DCDC1: variants seen among roughly 807,000 people sequenced by gnomAD.
The protein encoded by DCDC1 is doublecortin domain-containing protein 1.
DCDC1 carries 200 observed loss-of-function variants against 178.3 expected under a neutral mutation model. The ratio of observed to expected loss-of-function variants is 1.12; its 90% CI spans 1.00 to 1.26. The LOEUF is 1.26. DCDC1 is among the 50% of genes most tolerant of loss of function. The pLI, the probability that DCDC1 is intolerant of heterozygous loss-of-function variation, is 0.00. For missense variants in DCDC1, 1,983 were observed against 1,749.2 expected (o/e 1.13, Z -2.38); for synonymous variants, 690 against 604.8 (o/e 1.14, Z -2.07).
intron 20 of DCDC1, among the ~76,000 whole-genome samples, chr11:30,964,762 A>G (rs559080369): frequency 6.6e-6 from 1 of 152,184 alleles, no homozygotes; most frequent in South Asian, 2.1e-4. Flanking sequence ...GGTTTCTTCC[A>G]ATGTTAACCA....
intron 20 of DCDC1, among the ~76,000 whole-genome samples, chr11:31,061,316 C>T (rs1323088461): frequency 6.6e-6 from 1 of 152,092 alleles, no homozygotes; most frequent in African/African-American, 2.4e-5. Flanking sequence ...CAAACACATT[C>T]CAGACACTTA....
intron 2 of DCDC1, among the ~76,000 whole-genome samples, chr11:31,334,069 GTTCAT>G (rs1472866137): frequency 2.0e-5 from 3 of 152,114 alleles, no homozygotes; most frequent in African/African-American, 7.2e-5. Context: ...TGGAGGCTTT[GTTCAT>G]TTCTTTTTAC....
chr11:31,283,827 A>G (rs1299943997), intron 7 of DCDC1, among the ~76,000 whole-genome samples: 1 of 152,138 alleles, frequency 6.6e-6, no homozygotes, highest in Non-Finnish European at 1.5e-5. Context: ...ACAAAATTTG[A>G]GAACTATTCT....
At chr11:31,212,834 C>T (rs1376527601) in intron 9 of DCDC1, among the ~76,000 whole-genome samples, 1 of 151,964 alleles carries the variant, frequency 6.6e-6, no homozygotes, top group Non-Finnish European at 1.5e-5. Context: ...AAACTGTGTA[C>T]AAGGACATTA....
intron 8 of DCDC1, among the ~76,000 whole-genome samples, chr11:31,260,252 A>G (rs1591568407): frequency 6.6e-6 from 1 of 152,208 alleles, no homozygotes; most frequent in South Asian, 2.1e-4. Flanking sequence ...AAAAGGTACA[A>G]TAATTTGATC....
At chr11:31,062,087 T>C (rs1955955529) in intron 20 of DCDC1, among the ~76,000 whole-genome samples, 1 of 152,092 alleles carries the variant, frequency 6.6e-6, no homozygotes, top group Non-Finnish European at 1.5e-5. Flanking sequence ...TGAGTTATCA[T>C]GAGGGCCAGG....
intron 18 of DCDC1, among the ~76,000 whole-genome samples, chr11:31,070,607 A>G (rs866217892): frequency 1.3e-5 from 2 of 152,324 alleles, no homozygotes; most frequent in Middle Eastern, 3.4e-3. Flanking sequence ...GACCTTGGGT[A>G]AGTTCAACTT....
intron 20 of DCDC1, among the ~76,000 whole-genome samples, chr11:30,970,872 C>T (rs1245410699): frequency 6.6e-6 from 1 of 152,200 alleles, no homozygotes; most frequent in East Asian, 1.9e-4. Context: ...TGGCCCAGCC[C>T]AGCTCCTTAT....
chr11:31,202,513 G>GT (rs1971410394), intron 9 of DCDC1, among the ~76,000 whole-genome samples: 1 of 152,174 alleles, frequency 6.6e-6, no homozygotes, highest in Admixed American at 6.5e-5. Flanking sequence ...GGAGGTTGCA[G>GT]TGAGCCAAGA....
chr11:31,186,063 G>A (rs1018596728), intron 9 of DCDC1, among the ~76,000 whole-genome samples: 1 of 152,100 alleles, frequency 6.6e-6, no homozygotes, highest in African/African-American at 2.4e-5. Context: ...AAGAGCCAGG[G>A]AGACCTTCCT....
At chr11:31,239,430 A>T (rs1976843438) in intron 9 of DCDC1, among the ~76,000 whole-genome samples, 1 of 152,022 alleles carries the variant, frequency 6.6e-6, no homozygotes, top group Admixed American at 6.6e-5. Context: ...AATAATTTTA[A>T]ATTAAGTCTT....
At chr11:31,216,270 A>T (rs1265533610) in intron 9 of DCDC1, among the ~76,000 whole-genome samples, 1 of 152,198 alleles carries the variant, frequency 6.6e-6, no homozygotes, top group Non-Finnish European at 1.5e-5. Context: ...CAGATAGAGG[A>T]TTAGATATAC....
chr11:31,200,587 A>G (rs1470418975), intron 9 of DCDC1, among the ~76,000 whole-genome samples: 2 of 152,092 alleles, frequency 1.3e-5, no homozygotes, highest in Admixed American at 6.5e-5. Flanking sequence ...GTAAAAATTA[A>G]TAAGTTAGAT....
At chr11:31,251,615 CAGAGAGAGAG>C (rs142524213) in intron 8 of DCDC1, among the ~76,000 whole-genome samples, 2 of 147,826 alleles carry the variant, frequency 1.4e-5, no homozygotes, top group South Asian at 2.1e-4. Context: ...GACAGAGAAA[CAGAGAGAGAG>C]AGAGAGAGAG....
chr11:31,124,520 C>G (rs1285434631), intron 11 of DCDC1, among the ~76,000 whole-genome samples: 1 of 152,108 alleles, frequency 6.6e-6, no homozygotes, highest in East Asian at 1.9e-4. Context: ...ATCATGCTAC[C>G]TGACTTCAAA....
chr11:31,073,796 G>A (rs1052567484), intron 18 of DCDC1, among the ~76,000 whole-genome samples: 6 of 152,210 alleles, frequency 3.9e-5, no homozygotes, highest in Admixed American at 1.3e-4. Flanking sequence ...AACTAAAGGT[G>A]AATAGTTTGG....
At position 30,897,021 on chromosome 11, in the gene DCDC1, T is replaced by C. The variant is rs77256392; in HGVS notation, c.4765+2520A>G. Among the ~76,000 whole-genome samples the C allele has an allele frequency of 1.1e-4, 17 of 152,362 alleles. No individual in the cohort carries two copies. The East Asian group carries it at 3.1e-3, about 28-fold the overall frequency. On this transcript the variant is annotated intron_variant, in intron 34 of 38. Coordinates refer to ENST00000684477, the MANE Select transcript of DCDC1 (RefSeq NM_001387274.1). ...AACCCTGAGGAAGCTCACAATCTTA[T>C]AGGCCTTGCAGTTAACTAAGACTTG... is the stretch of plus-strand genomic sequence containing the variant.
At chr11:30,969,909 A>G (rs916224373) in intron 20 of DCDC1, among the ~76,000 whole-genome samples, 1 of 152,220 alleles carries the variant, frequency 6.6e-6, no homozygotes, top group African/African-American at 2.4e-5. Flanking sequence ...GGACTTGACT[A>G]GAGGTATCTG....
intron 23 of DCDC1, among the ~76,000 whole-genome samples, chr11:30,923,793 T>C (rs1192968806): frequency 6.6e-6 from 1 of 151,874 alleles, no homozygotes; most frequent in Non-Finnish European, 1.5e-5. Context: ...ATTTTTTGTA[T>C]TCTAGTAGAG....
Sources: allele counts gnomAD v4.1 joint callset (sites outside exome capture counted in the v4.1 genomes callset), GRCh38; gene constraint gnomAD v4.1.1; transcripts MANE v1.5; gene names NCBI Gene and HGNC (gene_info 2026-07-23, HGNC 2026-07-21).